The following USP14 variants were observed in gnomAD, a reference collection of about 807,000 sequenced individuals.
USP14 encodes the protein ubiquitin carboxyl-terminal hydrolase 14.
A neutral mutation model predicts 76.5 loss-of-function variants in USP14; 38 were observed. The ratio of observed to expected loss-of-function variants is 0.50; its 90% confidence interval spans 0.38 to 0.65. The LOEUF is 0.65. Ranked by LOEUF, USP14 falls within the 30% of genes least tolerant of loss-of-function variation. The pLI is 0.00. For synonymous variants in USP14, 192 were observed against 191.7 expected (o/e 1.00, Z -0.01); for missense variants, 467 against 586.5 (o/e 0.80, Z 2.10).
At chr18:159,210 C>A (rs1376617339) in intron 1 of USP14, among the ~76,000 whole-genome samples, 1 of 152,124 alleles carries the variant, frequency 6.6e-6, no homozygotes, top group Non-Finnish European at 1.5e-5. Context: ...GTTCGACCGC[C>A]CCTTTGGTAC....
intron 13 of USP14, among the ~76,000 whole-genome samples, chr18:209,276 C>T (rs1208074620): frequency 6.6e-6 from 1 of 152,064 alleles, no homozygotes; most frequent in African/African-American, 2.4e-5. Flanking sequence ...ACCTAGTTGC[C>T]ATTTTTTGTT....
chr18:207,550 G>A (rs1033884761), intron 13 of USP14, among the ~76,000 whole-genome samples: 2 of 144,328 alleles, frequency 1.4e-5, no homozygotes, highest in African/African-American at 5.0e-5. Flanking sequence ...GTGGTGGCGT[G>A]TGCCTGTAGT....
intron 5 of USP14, among the ~76,000 whole-genome samples, chr18:187,134 T>G (rs1909953659): frequency 6.6e-6 from 1 of 152,216 alleles, no homozygotes; most frequent in Admixed American, 6.5e-5. Context: ...CTCGTGAGTT[T>G]ATTGGTGACT....
chr18:211,049 C>A, intron 15 of USP14, 84 bp from the exon 16 acceptor site: 1 of 1,427,902 alleles, frequency 7.0e-7, no homozygotes. Flanking sequence ...GCTGTGCCTC[C>A]GATGACTTGA....
chr18:162,151 A>G (rs1374981388), intron 1 of USP14, among the ~76,000 whole-genome samples: 2 of 152,226 alleles, frequency 1.3e-5, no homozygotes, highest in African/African-American at 4.8e-5. Context: ...GTTGATGGAC[A>G]CTTGAGTTGC....
In USP14 at chr18:214,488, T is replaced by A. The variant is rs1227594564; in HGVS notation, c.*3204T>A. 1.4e-6 allele frequency: 1 copy of A among 721,146 alleles called. No homozygotes were observed. Among genetic ancestry groups the A allele is most frequent in the Non-Finnish European group, 2.2e-6 (1 of 449,028 alleles). 44.7% of individuals were successfully genotyped at this position (721,146 alleles called of 1,614,324 possible). A position where few individuals can be genotyped will look rare whatever the true frequency, so the allele number is the denominator to read the frequency against. On this transcript the variant is annotated 3_prime_UTR_variant, in exon 16 of 16. Coordinates refer to ENST00000261601, the MANE Select transcript of USP14 (RefSeq NM_005151.4). ...TGGTTTGAGCCAATATGTGTTCTAT[T>A]GTTCTCAGAGCACCAGCCGACTGTA...
chr18:199,006 C>T (rs1388795011), intron 9 of USP14, among the ~76,000 whole-genome samples, 196 bp from the exon 10 acceptor site: 1 of 152,052 alleles, frequency 6.6e-6, no homozygotes, highest in Non-Finnish European at 1.5e-5. Context: ...ATTTATTACT[C>T]ATTGTTGTTT....
intron 15 of USP14, 75 bp downstream of exon 15, chr18:210,568 GT>G: frequency 8.7e-7 from 1 of 1,155,806 alleles, no homozygotes; most frequent in Non-Finnish European, 1.2e-6. Flanking sequence ...TAGCAGTGTG[GT>G]TTTCAAACTT....
chr18:210,508 T>G lies in USP14; in HGVS notation c.1333+15T>G. The G allele has an allele frequency of 6.6e-7, 1 of 1,512,008 alleles. No individual in the cohort carries two copies. The highest frequency in any genetic ancestry group is 9.1e-7 in the Non-Finnish European group (1 of 1,103,070). 93.7% of individuals were successfully genotyped at this position (1,512,008 alleles called of 1,614,324 possible). A position where few individuals can be genotyped will look rare whatever the true frequency, so the allele number is the denominator to read the frequency against. On this transcript the variant is annotated intron_variant, in intron 15 of 15. Transcript: ENST00000261601. ...AAGGAAACAAGGTAAAGGGTATTCT[T>G]TTTTCAACTGTTCAATATTATTTTA...
intron 2 of USP14, 45 bp from the exon 3 acceptor site, chr18:166,742 C>T: frequency 6.3e-7 from 1 of 1,579,966 alleles, no homozygotes; most frequent in Non-Finnish European, 8.7e-7. Context: ...TTGTGTTCAG[C>T]TTGTACAGTG....
In USP14 at chr18:180,306, G is replaced by A. The variant is rs749757792; in HGVS notation, c.371G>A (p.Arg124His). 29 of 1,587,686 alleles carry A rather than the reference G, an allele frequency of 1.8e-5. No individual in the cohort carries two copies. The Admixed American group carries it at 2.2e-4, about 12-fold the overall frequency. ...ATGAATGCCACAGTTCAGTGTATTC[G>A]TTCTGTGCCTGAACTCAAAGATGCC... ...CYMNATVQCI[R>H]SVPELKDALK... is the part of the protein sequence containing the mutation. The change falls in exon 5 of 16, where the codon CGT becomes CAT. Residue 124 changes from arginine (R) to histidine (H), a missense_variant. Coordinates refer to ENST00000261601, the MANE Select transcript of USP14 (RefSeq NM_005151.4).
Position 197,609 on chromosome 18 carries a change from A to G in USP14, c.595-7A>G, listed in dbSNP as rs775590577. 1.6e-5 allele frequency: 25 copies of G among 1,605,876 alleles called. No individual in the cohort carries two copies. In the Admixed American group the frequency reaches 3.9e-4, roughly 25 times the overall value. On this transcript the variant is annotated splice_region_variant and splice_polypyrimidine_tract_variant and intron_variant, in intron 7 of 15. Coordinates refer to ENST00000261601, the MANE Select transcript of USP14 (RefSeq NM_005151.4). ...GATTACTTACTTTGTCTTTTTTTACATTACAGGATGCTAATGAATGTTGGA... is the reference window on the plus strand; with the variant it reads ...GATTACTTACTTTGTCTTTTTTTACGTTACAGGATGCTAATGAATGTTGGA...
intron 4 of USP14, 90 bp from the exon 5 acceptor site, chr18:180,146 A>G (rs1909745893): frequency 4.8e-6 from 3 of 625,800 alleles, no homozygotes; most frequent in Non-Finnish European, 7.7e-6. Context: ...ACTTGATTCA[A>G]AATGAGAATT....
At chr18:205,284 T>C (rs1910498925) in intron 13 of USP14, among the ~76,000 whole-genome samples, 1 of 152,228 alleles carries the variant, frequency 6.6e-6, no homozygotes, top group Admixed American at 6.5e-5. Context: ...GTAGCTCATA[T>C]TCCTTTTATA....
Position 158,607 on chromosome 18 carries a change from G to A in USP14, c.-92G>A. 7.1e-7 allele frequency: 1 copy of A among 1,410,370 alleles called. No individual in the cohort carries two copies. The highest frequency in any genetic ancestry group is 9.5e-7 in the Non-Finnish European group (1 of 1,053,370). 87.4% of individuals were successfully genotyped at this position (1,410,370 alleles called of 1,614,324 possible). A position where few individuals can be genotyped will look rare whatever the true frequency, so the allele number is the denominator to read the frequency against. On this transcript the variant is annotated 5_prime_UTR_variant, in exon 1 of 16. Transcript: ENST00000261601. ...GCCGCCACCACCGCGCCTCCGCCTC[G>A]GCCGCCGCCGCAGCTGCTCCTGGTC...
At position 211,424 on chromosome 18, in the gene USP14, C is replaced by G. The variant is rs924231836; in HGVS notation, c.*140C>G. On this transcript the variant is annotated 3_prime_UTR_variant, in exon 16 of 16. Transcript: ENST00000261601. ...GGAACAAAAGAGGACAGAAGCAGACCACTCTGTGCACCAACCTAAAAAATT... is the reference window on the plus strand; with the variant it reads ...GGAACAAAAGAGGACAGAAGCAGACGACTCTGTGCACCAACCTAAAAAATT... The G allele has an allele frequency of 1.6e-5, 13 of 792,896 alleles. No individual in the cohort carries two copies. In the Admixed American group the frequency reaches 4.3e-4, roughly 26 times the overall value. The allele number at this position is 792,896 out of a possible 1,614,324, so 49.1% of individuals were successfully genotyped here.
chr18:160,762 A>G (rs1337640087), intron 1 of USP14, among the ~76,000 whole-genome samples: 1 of 152,104 alleles, frequency 6.6e-6, no homozygotes, highest in African/African-American at 2.4e-5. Flanking sequence ...CTATTGTAAT[A>G]TGCTTCTAGT....
intron 13 of USP14, among the ~76,000 whole-genome samples, chr18:207,399 T>TA (rs1910558580): frequency 6.9e-6 from 1 of 145,200 alleles, no homozygotes; most frequent in Non-Finnish European, 1.6e-5. Context: ...TAAAAAGTAT[T>TA]ACTATCTTAA....
In USP14 at chr18:197,649, G is replaced by T; in HGVS notation, c.628G>T (p.Val210Leu). 6.2e-7 allele frequency: 1 copy of T among 1,612,288 alleles called. No individual in the cohort carries two copies. Among genetic ancestry groups the T allele is most frequent in the Non-Finnish European group, 8.5e-7 (1 of 1,179,046 alleles). Reference sequence around the variant, plus strand: ...TGAATGTTGGATACAAATGATGCGAGTATTGCAACAGAAATTGGAAGCAAT... The same window carrying T: ...TGAATGTTGGATACAAATGATGCGATTATTGCAACAGAAATTGGAAGCAAT... The part of the protein sequence containing the change: ...ANECWIQMMR[V>L]LQQKLEAIED... Residue 210 changes from valine to leucine, a missense_variant, in exon 8 of 16, where the codon GTA becomes TTA. Val to Leu is a conservative substitution (Grantham distance 32). Transcript: ENST00000261601.
Sources: allele counts gnomAD v4.1 joint callset (sites outside exome capture counted in the v4.1 genomes callset), GRCh38; gene constraint gnomAD v4.1.1; transcripts MANE v1.5; gene names NCBI Gene and HGNC (gene_info 2026-07-23, HGNC 2026-07-21).